Variants in TRIM2 observed in about 807,000 individuals in gnomAD.
TRIM2 encodes tripartite motif containing 2.
Under a neutral mutation model 75.2 loss-of-function variants are expected in TRIM2, and 20 were observed. That is an observed-to-expected ratio of 0.27 (90% confidence interval 0.19 to 0.39). TRIM2 has a LOEUF of 0.39. TRIM2 is among the 10% of genes least tolerant of loss of function. The pLI, the probability that TRIM2 is intolerant of heterozygous loss-of-function variation, is 1.00. For missense variants in TRIM2, 660 were observed against 990.8 expected (o/e 0.67, Z 4.48); for synonymous variants, 373 against 388.3 (o/e 0.96, Z 0.46).
At chr4:153,177,013 G>T (rs534524778) in intron 1 of TRIM2, among the ~76,000 whole-genome samples, 1 of 152,340 alleles carries the variant, frequency 6.6e-6, no homozygotes, top group East Asian at 1.9e-4. Context: ...TCAAGTAGAA[G>T]GAATCTTCCA....
intron 6 of TRIM2, among the ~76,000 whole-genome samples, chr4:153,303,859 T>G (rs1764441182): frequency 6.6e-6 from 1 of 152,216 alleles, no homozygotes; most frequent in South Asian, 2.1e-4. Context: ...GATTTTCATC[T>G]TTGCCCATTC....
chr4:153,224,469 T>C (rs1741589943), intron 1 of TRIM2, among the ~76,000 whole-genome samples: 1 of 152,194 alleles, frequency 6.6e-6, no homozygotes, highest in African/African-American at 2.4e-5. Context: ...ACTCATTCTT[T>C]TAACTCATTC....
At chr4:153,191,836 T>C (rs930348948) in intron 1 of TRIM2, among the ~76,000 whole-genome samples, 3 of 152,198 alleles carry the variant, frequency 2.0e-5, no homozygotes, top group Non-Finnish European at 4.4e-5. Flanking sequence ...AAGCTCCTTT[T>C]CATAAACATC....
At chr4:153,220,468 C>G (rs1308099424) in intron 1 of TRIM2, among the ~76,000 whole-genome samples, 3 of 152,068 alleles carry the variant, frequency 2.0e-5, no homozygotes, top group African/African-American at 7.2e-5. Context: ...AGGACACCAT[C>G]AAGAAAGTGA....
intron 9 of TRIM2, 31 bp downstream of exon 9, chr4:153,322,847 T>A: frequency 6.2e-7 from 1 of 1,612,418 alleles, no homozygotes; most frequent in South Asian, 1.1e-5. Flanking sequence ...TAAACCCCCT[T>A]TTTTATGCTT....
Position 153,295,232 on chromosome 4 carries a change from C to A in TRIM2, c.787-81C>A. ...CCTGCGTGGGCAGGTGTAGAGTCTC[C>A]TTCTCGCCGGTGGAGGGCACTGCCC... is the stretch of plus-strand genomic sequence containing the variant. On this transcript the variant is annotated intron_variant, in intron 5 of 11. Transcript: ENST00000338700. This position sits in a 1 kb window ranked among gnomAD's most constrained non-coding sequence, Gnocchi z 7.2. 1 of 1,440,866 alleles carries A rather than the reference C, an allele frequency of 6.9e-7. No individual in the cohort carries two copies. The highest frequency in any genetic ancestry group is 2.5e-5 in the East Asian group (1 of 39,696). 89.3% of individuals were successfully genotyped at this position (1,440,866 alleles called of 1,614,324 possible).
chr4:153,209,660 CT>C (rs1736411335), intron 1 of TRIM2, among the ~76,000 whole-genome samples: 2 of 152,322 alleles, frequency 1.3e-5, no homozygotes, highest in South Asian at 4.1e-4. Context: ...AAACTGTTGA[CT>C]CTAGAAACCG....
Position 153,273,270 on chromosome 4 carries a change from C to CTTTTTTTTTTTTTTTTTTTTTTT in TRIM2, c.216-2622_216-2600dup, listed in dbSNP as rs72414117. On this transcript the variant is annotated intron_variant, in intron 2 of 11. Transcript: ENST00000338700. ...ACTCAGTGAGCACCTTACAGTCACT[C>CTTTTTTTTTTTTTTTTTTTTTTT]TTTTTTTTTTTTTTTTTTTTTTTGA... Among the ~76,000 whole-genome samples the CTTTTTTTTTTTTTTTTTTTTTTT allele has an allele frequency of 4.9e-4, 28 of 57,386 alleles. 7 individuals are homozygous for CTTTTTTTTTTTTTTTTTTTTTTT. The highest frequency in any genetic ancestry group is 6.1e-4 in the Non-Finnish European group (19 of 31,292). 37.6% of individuals were successfully genotyped at this position (57,386 alleles called of 152,430 possible).
At chr4:153,231,990 C>T (rs1312412937) in intron 1 of TRIM2, among the ~76,000 whole-genome samples, 3 of 152,130 alleles carry the variant, frequency 2.0e-5, no homozygotes, top group Non-Finnish European at 4.4e-5. Flanking sequence ...TGGAGCATTT[C>T]GGATTTCAGT....
chr4:153,326,939 C>T (rs1460398514), intron 10 of TRIM2, among the ~76,000 whole-genome samples: 1 of 145,628 alleles, frequency 6.9e-6, no homozygotes, highest in Non-Finnish European at 1.5e-5. Context: ...AAGATTGTGC[C>T]ACTGCATTCC....
At chr4:153,169,936 A>G (rs1730680038) in intron 1 of TRIM2, among the ~76,000 whole-genome samples, 1 of 152,230 alleles carries the variant, frequency 6.6e-6, no homozygotes, top group Non-Finnish European at 1.5e-5. Context: ...CGTCTACACA[A>G]TCAGGCACAT....
chr4:153,314,419 C>CAAAA (rs58410286), intron 6 of TRIM2, among the ~76,000 whole-genome samples: 9 of 58,890 alleles, frequency 1.5e-4, no homozygotes, highest in Admixed American at 7.1e-4. Flanking sequence ...GACTCCGTCT[C>CAAAA]AAAAAAAAAA....
chr4:153,223,302 G>T (rs1244849487), intron 1 of TRIM2, among the ~76,000 whole-genome samples: 1 of 152,234 alleles, frequency 6.6e-6, no homozygotes, highest in East Asian at 1.9e-4. Flanking sequence ...GCCGTCCTCA[G>T]TCACCCGCGT....
In TRIM2 at chr4:153,335,319, C is replaced by G. The variant is rs1377106811; in HGVS notation, c.*353C>G. The G allele has an allele frequency of 5.0e-6, 5 of 1,000,524 alleles. No homozygotes were observed. Among genetic ancestry groups the G allele is most frequent in the Non-Finnish European group, 5.9e-6 (5 of 840,402 alleles). 62.0% of individuals were successfully genotyped at this position (1,000,524 alleles called of 1,614,324 possible). ...TATTCGTTAATCCTGTGAATGGTAG[C>G]TTTTGCACAGAACTTCCAAAAGCAA... On this transcript the variant is annotated 3_prime_UTR_variant, in exon 12 of 12. Transcript: ENST00000338700.
At position 153,168,690 on chromosome 4, in the gene TRIM2, A is replaced by G. The variant is rs186440773; in HGVS notation, c.-49+15420A>G. ...GTCAAAGAAGTTTTTCTGAAAAAAA[A>G]AAAAAATCAAAGAAAATCAATTGAG... On this transcript the variant is annotated intron_variant, in intron 1 of 11. Transcript: ENST00000437508. Among the ~76,000 whole-genome samples, 3 of 152,258 alleles carry G rather than the reference A, an allele frequency of 2.0e-5. No individual in the cohort carries two copies. The East Asian group carries it at 5.8e-4, about 29-fold the overall frequency.
intron 1 of TRIM2, among the ~76,000 whole-genome samples, chr4:153,210,950 C>G (rs1413065103): frequency 1.3e-5 from 2 of 152,154 alleles, no homozygotes; most frequent in African/African-American, 2.4e-5. Flanking sequence ...GCAGTAAACC[C>G]AGACATGCAG....
chr4:153,332,230 T>C (rs1280570968), intron 11 of TRIM2, among the ~76,000 whole-genome samples: 19 of 152,198 alleles, frequency 1.2e-4, no homozygotes, highest in Non-Finnish European at 4.4e-5. Flanking sequence ...GATAAAAAGA[T>C]AGGCAACAGA....
chr4:153,237,063 A>G (rs1479254902), intron 1 of TRIM2, among the ~76,000 whole-genome samples: 1 of 152,142 alleles, frequency 6.6e-6, no homozygotes, highest in Non-Finnish European at 1.5e-5. Context: ...GTCTTTTCTC[A>G]TAAGTGTTTG....
At chr4:153,246,851 T>A (rs954861949) in intron 1 of TRIM2, among the ~76,000 whole-genome samples, 1 of 152,168 alleles carries the variant, frequency 6.6e-6, no homozygotes, top group Non-Finnish European at 1.5e-5. Context: ...CTGCTTGACT[T>A]CTATTCTTCC....
Sources: allele counts gnomAD v4.1 joint callset (sites outside exome capture counted in the v4.1 genomes callset), GRCh38; gene constraint gnomAD v4.1.1; non-coding constraint Gnocchi (gnomAD v3.1); transcripts MANE v1.5; gene names NCBI Gene and HGNC (gene_info 2026-07-23, HGNC 2026-07-21).